GRIN2B: variants seen among roughly 807,000 people sequenced by gnomAD.
The protein encoded by GRIN2B is glutamate ionotropic receptor NMDA type subunit 2B.
In GRIN2B, 5 loss-of-function variants were observed where a neutral mutation model predicts 114.5. That is an observed-to-expected ratio of 0.04 (90% CI 0.02 to 0.09). The LOEUF (loss-of-function observed/expected upper bound fraction) is 0.09. Among genes scored for constraint, GRIN2B ranks in the 10% least tolerant of loss-of-function variants. GRIN2B has a pLI of 1.00. For synonymous variants in GRIN2B, 787 were observed against 745.1 expected, an observed-to-expected ratio of 1.06 and a Z score of -0.92; for missense variants, 1,108 against 1,943.5, an observed-to-expected ratio of 0.57 and a Z score of 8.08.
rs879460958 is a variant in GRIN2B at position 13,690,345 on chromosome 12, C to CT, written c.1011-14487dup. ...CACACGCACAATCTATTTACAAATA[C>CT]TTTTTTTTGCCTCTCTCTCTCTCTC... On this transcript the variant is annotated intron_variant, in intron 4 of 13. Coordinates refer to ENST00000609686, the MANE Select transcript of GRIN2B (RefSeq NM_000834.5). Among the ~76,000 whole-genome samples, 11 of 115,704 alleles carry CT rather than the reference C, an allele frequency of 9.5e-5. No homozygotes were observed. The East Asian group carries it at 1.4e-3, about 14-fold the overall frequency. The allele number at this position is 115,704 out of a possible 152,430, so 75.9% of individuals were successfully genotyped here. A position where few individuals can be genotyped will look rare whatever the true frequency, so the allele number is the denominator to read the frequency against.
chr12:13,867,368 C>G (rs901415672), intron 2 of GRIN2B, among the ~76,000 whole-genome samples: 1 of 152,158 alleles, frequency 6.6e-6, no homozygotes, highest in Non-Finnish European at 1.5e-5. Context: ...CCATCTCTCT[C>G]TATGCTTCTC....
At chr12:13,966,332 T>C (rs764798189) in intron 2 of GRIN2B, among the ~76,000 whole-genome samples, 13 of 152,252 alleles carry the variant, frequency 8.5e-5, no homozygotes, top group Non-Finnish European at 1.8e-4. Context: ...TTTGCCTCCG[T>C]TGTCTTCCTT....
chr12:13,633,689 C>T (rs1949637664), intron 5 of GRIN2B, among the ~76,000 whole-genome samples: 2 of 152,148 alleles, frequency 1.3e-5, no homozygotes, highest in African/African-American at 4.8e-5. Context: ...CCTACCTGGT[C>T]TTAACTTATA....
At chr12:13,832,022 G>A (rs1258225373) in intron 3 of GRIN2B, among the ~76,000 whole-genome samples, 1 of 152,156 alleles carries the variant, frequency 6.6e-6, no homozygotes, top group African/African-American at 2.4e-5. Flanking sequence ...GTGGGGGGCA[G>A]GGTAGCATGT....
chr12:13,603,986 T>A lies in GRIN2B; in HGVS notation c.2010+4617A>T, dbSNP rs185097820. Among the ~76,000 whole-genome samples the A allele has an allele frequency of 3.0e-3, 464 of 152,270 alleles. 5 individuals carry two copies. The highest frequency in any genetic ancestry group is 0.011 in the African/African-American group (444 of 41,556). On this transcript the variant is annotated intron_variant, in intron 10 of 13. Coordinates refer to ENST00000609686, the MANE Select transcript of GRIN2B (RefSeq NM_000834.5). ...AATAGCATACACAGAGCATACAAAA[T>A]GTACCTAGTGCCCAGCAAATATGTC...
At chr12:13,640,184 G>T (rs575501668) in intron 5 of GRIN2B, among the ~76,000 whole-genome samples, 109 of 152,264 alleles carry the variant, frequency 7.2e-4, no homozygotes, top group African/African-American at 2.6e-3. Flanking sequence ...CCAGGAGTTT[G>T]AGGCTGCAGT....
chr12:13,963,438 A>G (rs1283857328), intron 2 of GRIN2B, among the ~76,000 whole-genome samples: 5 of 152,298 alleles, frequency 3.3e-5, no homozygotes, highest in South Asian at 2.1e-4. Context: ...TAAGAAAAAC[A>G]AAAGAAGATG....
chr12:13,620,177 A>G (rs1280541368), intron 5 of GRIN2B, among the ~76,000 whole-genome samples: 1 of 152,218 alleles, frequency 6.6e-6, no homozygotes, highest in Non-Finnish European at 1.5e-5. Flanking sequence ...AGAGTTATTT[A>G]TCTGCCAAGG....
At chr12:13,565,013 G>A in intron 13 of GRIN2B, among the ~76,000 whole-genome samples, 1 of 152,294 alleles carries the variant, frequency 6.6e-6, no homozygotes, top group South Asian at 2.1e-4. Context: ...TCAACCCATA[G>A]CAAAAAATAT....
At chr12:13,754,008 G>T in intron 3 of GRIN2B, 93 bp from the exon 4 acceptor site, 1 of 748,744 alleles carries the variant, frequency 1.3e-6, no homozygotes, top group Non-Finnish European at 2.4e-6. Flanking sequence ...ACAAAGATTT[G>T]TGTTCATTAC....
chr12:13,560,850 C>G lies in GRIN2B; in HGVS notation c.*1933G>C, dbSNP rs3026174. ...TCAAGGGCGGGATGAGGAAGGGTCA[C>G]GAGTGAGGGCAAACAGGGGCGAAGA... is the stretch of plus-strand genomic sequence containing the variant. On this transcript the variant is annotated 3_prime_UTR_variant, in exon 14 of 14. Transcript: ENST00000609686. The G allele has an allele frequency of 6.6e-6, 1 of 152,108 alleles. No individual in the cohort carries two copies. The highest frequency in any genetic ancestry group is 2.4e-5 in the African/African-American group (1 of 41,382). The allele number at this position is 152,108 out of a possible 1,614,324, so 9.4% of individuals were successfully genotyped here.
chr12:13,840,992 C>T (rs1237592976), intron 3 of GRIN2B, among the ~76,000 whole-genome samples: 1 of 152,162 alleles, frequency 6.6e-6, no homozygotes, highest in African/African-American at 2.4e-5. Context: ...ATTAAGTAAT[C>T]ATAGTTTTCC....
chr12:13,958,480 A>G (rs1211437712), intron 2 of GRIN2B, among the ~76,000 whole-genome samples: 1 of 152,244 alleles, frequency 6.6e-6, no homozygotes, highest in Non-Finnish European at 1.5e-5. Flanking sequence ...AAAAGTGTCC[A>G]GCTTGCTGCC....
At chr12:13,789,077 T>TG (rs944244049) in intron 3 of GRIN2B, among the ~76,000 whole-genome samples, 7 of 151,618 alleles carry the variant, frequency 4.6e-5, no homozygotes, top group East Asian at 3.9e-4. Flanking sequence ...TGGTTGTTGT[T>TG]TTTTTTCCTA....
chr12:13,756,302 C>A (rs188222541), intron 3 of GRIN2B, among the ~76,000 whole-genome samples: 8 of 152,290 alleles, frequency 5.3e-5, no homozygotes, highest in African/African-American at 1.7e-4. Flanking sequence ...GCGTGAGCTA[C>A]TGCGCCCATC....
Position 13,563,096 on chromosome 12 carries a change from C to T in GRIN2B, c.4142G>A (p.Arg1381Gln), listed in dbSNP as rs761443441. The part of the protein sequence containing the change: ...YMLSKSLYPD[R>Q]VTQNPFIPTF... ...GGGGATGAAAGGGTTTTGCGTGACC[C>T]GGTCAGGGTAGAGCGACTTGCTGAG... Residue 1381 changes from arginine to glutamine, a missense_variant, in exon 14 of 14, where the codon CGG becomes CAG. Coordinates refer to ENST00000609686, the MANE Select transcript of GRIN2B (RefSeq NM_000834.5). 2 of 1,614,088 alleles carry T rather than the reference C, an allele frequency of 1.2e-6. No individual in the cohort carries two copies. Among genetic ancestry groups the T allele is most frequent in the Admixed American group, 1.7e-5 (1 of 60,016 alleles).
At chr12:13,628,719 A>G (rs886947785) in intron 5 of GRIN2B, among the ~76,000 whole-genome samples, 1 of 152,240 alleles carries the variant, frequency 6.6e-6, no homozygotes, top group Non-Finnish European at 1.5e-5. Flanking sequence ...CAGAAGTATC[A>G]GAAAGAAAGT....
chr12:13,866,961 CCAAT>C (rs1865838432), intron 2 of GRIN2B, among the ~76,000 whole-genome samples: 1 of 152,156 alleles, frequency 6.6e-6, no homozygotes, highest in South Asian at 2.1e-4. Flanking sequence ...AGACCATGAA[CCAAT>C]CAATTAAGTG....
intron 3 of GRIN2B, among the ~76,000 whole-genome samples, chr12:13,810,635 A>G (rs978720325): frequency 2.0e-5 from 3 of 152,194 alleles, no homozygotes; most frequent in African/African-American, 7.2e-5. Context: ...TCCCATTACT[A>G]GTGAATGAAC....
Sources: allele counts gnomAD v4.1 joint callset (sites outside exome capture counted in the v4.1 genomes callset), GRCh38; gene constraint gnomAD v4.1.1; transcripts MANE v1.5; gene names NCBI Gene and HGNC (gene_info 2026-07-23, HGNC 2026-07-21).